The following ARID1B variants were observed in gnomAD, a reference collection of about 807,000 sequenced individuals.
ARID1B encodes AT-rich interaction domain 1B.
In ARID1B, 30 loss-of-function variants were observed where a neutral mutation model predicts 212.3. The observed-to-expected ratio is 0.14, with a 90% confidence interval of 0.11 to 0.19. The LOEUF (loss-of-function observed/expected upper bound fraction) is 0.19, where lower values mean the gene tolerates loss of function less well. Ranked by LOEUF, ARID1B falls within the 10% of genes least tolerant of loss-of-function variation. ARID1B has a pLI of 1.00. For synonymous variants in ARID1B, 1,402 were observed against 1,301.7 expected, an observed-to-expected ratio of 1.08 and a Z score of -1.66; for missense variants, 2,891 against 3,204.0, an observed-to-expected ratio of 0.90 and a Z score of 2.36.
At position 156,893,060 on chromosome 6, in the gene ARID1B, T is replaced by TTTTTTTTTTTG. The variant is rs1268821728; in HGVS notation, c.1987-8316_1987-8315insTTTTTTTTTTG. On this transcript the variant is annotated intron_variant, in intron 2 of 19. Coordinates refer to ENST00000636930, the MANE Select transcript of ARID1B (RefSeq NM_001374828.1). The stretch of plus-strand genomic sequence containing the variant: ...TTTTTTCTTCCTTTTTTTTTTTTTT[T>TTTTTTTTTTTG]GAGATGGAGTCTTGCCCTGTCACCC... Among the ~76,000 whole-genome samples the TTTTTTTTTTTG allele has an allele frequency of 3.0e-4, 41 of 137,696 alleles. 7 individuals carry two copies. Among genetic ancestry groups the TTTTTTTTTTTG allele is most frequent in the Non-Finnish European group, 3.4e-4 (22 of 64,634 alleles). 90.3% of individuals were successfully genotyped at this position (137,696 alleles called of 152,430 possible). A position where few individuals can be genotyped will look rare whatever the true frequency, so the allele number is the denominator to read the frequency against.
At chr6:156,853,732 C>A (rs894883360) in intron 2 of ARID1B, among the ~76,000 whole-genome samples, 1 of 152,052 alleles carries the variant, frequency 6.6e-6, no homozygotes, top group African/African-American at 2.4e-5. Flanking sequence ...TGCCTCCATA[C>A]GTTTTGTTTT....
chr6:156,941,742 AT>A (rs1792690452), intron 4 of ARID1B: 1 of 152,206 alleles, frequency 6.6e-6, no homozygotes, highest in East Asian at 1.9e-4. Flanking sequence ...CCATTTAAAT[AT>A]TTGTTCTGTA....
intron 8 of ARID1B, among the ~76,000 whole-genome samples, chr6:157,155,683 A>T (rs949575025): frequency 3.9e-5 from 6 of 152,200 alleles, no homozygotes; most frequent in African/African-American, 1.4e-4. Context: ...TTTAGTTAAG[A>T]TTATTAAATC....
chr6:156,989,549 C>T (rs145945597), intron 4 of ARID1B, among the ~76,000 whole-genome samples: 201 of 152,312 alleles, frequency 1.3e-3, no homozygotes, highest in African/African-American at 4.6e-3. Context: ...GGGGGTGATA[C>T]ATATTTGGCC....
At position 157,204,826 on chromosome 6, in the gene ARID1B, C is replaced by G. The variant is rs1583509813; in HGVS notation, c.5394+830C>G. The G allele has an allele frequency of 2.6e-5, 4 of 152,150 alleles. No individual in the cohort carries two copies. In the South Asian group the frequency reaches 8.3e-4, roughly 32 times the overall value. 9.4% of individuals were successfully genotyped at this position (152,150 alleles called of 1,614,324 possible). On this transcript the variant is annotated intron_variant, in intron 19 of 19. Transcript: ENST00000636930. ...TTTTCCCTATAGTATACAAACAACTCTCTACTTTGAGTGCAAAAACTAAAA... is the reference window on the plus strand; with the variant it reads ...TTTTCCCTATAGTATACAAACAACTGTCTACTTTGAGTGCAAAAACTAAAA...
At chr6:156,827,543 G>T (rs1362825185) in intron 1 of ARID1B, among the ~76,000 whole-genome samples, 1 of 152,194 alleles carries the variant, frequency 6.6e-6, no homozygotes, top group African/African-American at 2.4e-5. Context: ...AGAATGCCCT[G>T]CAGGGCTCAC....
At chr6:157,045,797 A>G (rs1309299075) in intron 4 of ARID1B, among the ~76,000 whole-genome samples, 1 of 152,190 alleles carries the variant, frequency 6.6e-6, no homozygotes, top group East Asian at 1.9e-4. Context: ...GCAGTAGAGG[A>G]CCAAGTTTAT....
chr6:156,907,881 C>G lies in ARID1B; in HGVS notation c.2136+6356C>G, dbSNP rs1325349986. Among the ~76,000 whole-genome samples the G allele has an allele frequency of 3.4e-5, 5 of 146,254 alleles. No homozygotes were observed. In the East Asian group the frequency reaches 9.9e-4, roughly 29 times the overall value. On this transcript the variant is annotated intron_variant, in intron 3 of 19. Transcript: ENST00000636930. ...CGAGGTCGCGCCACTGCACTGCAGC[C>G]TGGGCGACAGAGCAAGACTGTCTCA...
intron 4 of ARID1B, among the ~76,000 whole-genome samples, chr6:157,034,665 C>T (rs1158488411): frequency 6.6e-6 from 1 of 152,174 alleles, no homozygotes; most frequent in Non-Finnish European, 1.5e-5. Flanking sequence ...GAGGGGGATT[C>T]CTTCCAACTT....
intron 4 of ARID1B, among the ~76,000 whole-genome samples, chr6:156,961,351 G>GT (rs1794360336): frequency 6.6e-6 from 1 of 152,250 alleles, no homozygotes. Flanking sequence ...TTTGAGGTGT[G>GT]TAATTTTGGA....
At chr6:157,004,923 T>TTTTTTTTTTTTTTTG (rs1779149701) in intron 4 of ARID1B, among the ~76,000 whole-genome samples, 1 of 131,034 alleles carries the variant, frequency 7.6e-6, no homozygotes, top group Non-Finnish European at 1.6e-5. Context: ...TTTTTTTTTT[T>TTTTTTTTTTTTTTTG]TTTTTTTTGA....
At chr6:156,815,556 A>G (rs991704340) in intron 1 of ARID1B, among the ~76,000 whole-genome samples, 9 of 152,226 alleles carry the variant, frequency 5.9e-5, no homozygotes, top group African/African-American at 2.2e-4. Flanking sequence ...AAGTTATGAC[A>G]GCAGGGTAAT....
chr6:156,887,728 G>A (rs764780623), intron 2 of ARID1B, among the ~76,000 whole-genome samples: 4 of 151,692 alleles, frequency 2.6e-5, no homozygotes, highest in Admixed American at 1.3e-4. Flanking sequence ...CAATGCAACC[G>A]CATAATCTCA....
chr6:156,936,676 A>G (rs1792255579), intron 4 of ARID1B: 1 of 151,734 alleles, frequency 6.6e-6, no homozygotes, highest in Non-Finnish European at 1.5e-5. Context: ...AAAAAAAAAA[A>G]AAAGAATAAA....
intron 4 of ARID1B, among the ~76,000 whole-genome samples, chr6:157,025,835 G>A (rs1188516202): frequency 6.6e-6 from 1 of 152,108 alleles, no homozygotes; most frequent in Non-Finnish European, 1.5e-5. Flanking sequence ...TAGAAGTAGA[G>A]GATTGCTGGA....
intron 2 of ARID1B, among the ~76,000 whole-genome samples, chr6:156,859,140 G>GTCT (rs1785150789): frequency 6.6e-6 from 1 of 152,140 alleles, no homozygotes; most frequent in African/African-American, 2.4e-5. Context: ...TTGAGACAGA[G>GTCT]TCTTGCCTGT....
chr6:156,982,415 C>T (rs1468349108), intron 4 of ARID1B, among the ~76,000 whole-genome samples: 1 of 147,554 alleles, frequency 6.8e-6, no homozygotes, highest in Non-Finnish European at 1.5e-5. Context: ...TGCTGTGTGT[C>T]TCTATGGGTC....
intron 6 of ARID1B, among the ~76,000 whole-genome samples, chr6:157,113,664 C>T (rs1368532116): frequency 6.6e-6 from 1 of 152,216 alleles, no homozygotes; most frequent in Admixed American, 6.5e-5. Flanking sequence ...CAGGCCCCAC[C>T]TCCAACATTT....
chr6:156,977,436 A>T (rs1379883464), intron 4 of ARID1B, among the ~76,000 whole-genome samples: 1 of 152,042 alleles, frequency 6.6e-6, no homozygotes, highest in African/African-American at 2.4e-5. Context: ...CATTAAATCT[A>T]TCCAGTGAAA....
Sources: gnomAD v4.1 joint callset for allele counts (sites outside exome capture counted in the v4.1 genomes callset) on GRCh38, gnomAD v4.1.1 for gene constraint, MANE v1.5 for transcripts, NCBI Gene and HGNC (gene_info 2026-07-23, HGNC 2026-07-21) for gene names.